The following CANX variants were observed in gnomAD, a reference collection of about 807,000 sequenced individuals.
CANX encodes the protein calnexin.
A neutral mutation model predicts 75.7 loss-of-function variants in CANX; 14 were observed. The observed-to-expected ratio is 0.19, with a 90% confidence interval of 0.12 to 0.29. The LOEUF (loss-of-function observed/expected upper bound fraction) is 0.29. Ranked by LOEUF, CANX falls within the 10% of genes least tolerant of loss-of-function variation. The pLI is 1.00. For missense variants in CANX, 567 were observed against 713.2 expected (o/e 0.79, Z 2.34); for synonymous variants, 227 against 236.9 (o/e 0.96, Z 0.38).
At chr5:179,723,951 G>A (rs1778477646) in intron 12 of CANX, among the ~76,000 whole-genome samples, 172 bp downstream of exon 12, 1 of 152,006 alleles carries the variant, frequency 6.6e-6, no homozygotes, top group South Asian at 2.1e-4. Context: ...GCCGTTTATT[G>A]TGCCCAGATG....
At chr5:179,702,996 C>G (rs1467656099) in intron 1 of CANX, among the ~76,000 whole-genome samples, 1 of 151,986 alleles carries the variant, frequency 6.6e-6, no homozygotes. Flanking sequence ...CTTGAACTCC[C>G]GAACTCAGGT....
At chr5:179,711,805 T>A (rs751229263) in intron 7 of CANX, among the ~76,000 whole-genome samples, 10 of 129,558 alleles carry the variant, frequency 7.7e-5, no homozygotes, top group Non-Finnish European at 1.2e-4. Flanking sequence ...AAAAAAAAAA[T>A]TGGTATTTTT....
chr5:179,725,154 T>C (rs550223422), intron 13 of CANX, among the ~76,000 whole-genome samples: 24 of 152,294 alleles, frequency 1.6e-4, no homozygotes, highest in African/African-American at 5.5e-4. Context: ...CCCCTCCAAG[T>C]AGCTGGGACC....
chr5:179,726,870 T>G (rs1309084299), intron 14 of CANX, 111 bp downstream of exon 14: 1 of 721,048 alleles, frequency 1.4e-6, no homozygotes, highest in African/African-American at 1.8e-5. Context: ...AAAATTCTGT[T>G]AAAGCCAATT....
intron 1 of CANX, among the ~76,000 whole-genome samples, chr5:179,703,526 A>G (rs1440569101): frequency 1.3e-4 from 20 of 151,912 alleles, no homozygotes; most frequent in Non-Finnish European, 1.5e-5. Flanking sequence ...CTTAGCTTCA[A>G]CCTGTCAGAC....
intron 1 of CANX, among the ~76,000 whole-genome samples, chr5:179,684,317 A>G (rs1776143261): frequency 6.6e-6 from 1 of 151,814 alleles, no homozygotes; most frequent in African/African-American, 2.4e-5. Flanking sequence ...TCCTGGGCTC[A>G]AGGGATCCTC....
chr5:179,693,561 C>A (rs970054675), upstream of CANX, among the ~76,000 whole-genome samples: 4 of 152,058 alleles, frequency 2.6e-5, no homozygotes, highest in African/African-American at 9.7e-5. Context: ...GTAGTCCCAG[C>A]TACTCTGGAG....
intron 1 of CANX, chr5:179,704,487 A>G (rs1040159679): frequency 6.6e-6 from 1 of 151,762 alleles, no homozygotes; most frequent in African/African-American, 2.4e-5. Flanking sequence ...AGATAGTGCC[A>G]ATGCATCCCA....
rs1057284737 is a variant in CANX at position 179,705,830 on chromosome 5, C to G, written c.149C>G (p.Thr50Ser). The change falls in exon 2 of 15, where the codon ACT becomes AGT. Residue 50 changes from threonine (T) to serine (S), a missense_variant. Coordinates refer to ENST00000247461, the MANE Select transcript of CANX (RefSeq NM_001746.4). The part of the protein sequence containing the change: ...EEVEDSKPDT[T>S]APPSSPKVTY... The stretch of plus-strand genomic sequence containing the variant: ...GTAGAAGACTCAAAACCAGATACCA[C>G]TGCTCCTCCTTCATCTCCCAAGGTT... The G allele has an allele frequency of 3.1e-6, 5 of 1,613,538 alleles. No individual in the cohort carries two copies. Among genetic ancestry groups the G allele is most frequent in the Non-Finnish European group, 3.4e-6 (4 of 1,179,500 alleles).
intron 7 of CANX, among the ~76,000 whole-genome samples, chr5:179,714,123 T>C (rs4643906): frequency 0.96 from 146,039 of 152,220 alleles, 70,338 homozygotes; most frequent in East Asian, 1. Flanking sequence ...CTCAGCCTCC[T>C]GAATAGTTGG....
upstream of CANX, among the ~76,000 whole-genome samples, chr5:179,695,444 C>T (rs893845320): frequency 8.6e-5 from 13 of 151,928 alleles, no homozygotes; most frequent in African/African-American, 1.5e-4. Flanking sequence ...ATTCTCTTGC[C>T]TCAGCCTCCC....
chr5:179,730,726 A>G lies in CANX; in HGVS notation c.*2082A>G, dbSNP rs147950214. 4.5e-4 allele frequency: 68 copies of G among 152,364 alleles called. No individual in the cohort carries two copies. Among genetic ancestry groups the G allele is most frequent in the African/African-American group, 1.6e-3 (65 of 41,582 alleles). The allele number at this position is 152,364 out of a possible 1,614,324, so 9.4% of individuals were successfully genotyped here. A position where few individuals can be genotyped will look rare whatever the true frequency, so the allele number is the denominator to read the frequency against. On this transcript the variant is annotated 3_prime_UTR_variant, in exon 15 of 15. Transcript: ENST00000247461. Reference sequence around the variant, plus strand: ...TCCTGATTAAATGTCTGACACATTAATGAATGACCAGCAGCAGCTTTCAGC... The same window carrying G: ...TCCTGATTAAATGTCTGACACATTAGTGAATGACCAGCAGCAGCTTTCAGC...
intron 1 of CANX, among the ~76,000 whole-genome samples, chr5:179,689,792 A>T (rs967494609): frequency 6.6e-6 from 1 of 152,124 alleles, no homozygotes; most frequent in Non-Finnish European, 1.5e-5. Context: ...GATAATTCCC[A>T]CTTAAAATGG....
In CANX at chr5:179,716,252, G is replaced by C; in HGVS notation, c.869G>C (p.Arg290Thr). ...EDRKPEDWDE[R>T]PKIPDPEAVK... ...CGGAAGCCCGAGGATTGGGATGAAA[G>C]ACCAAAAATCCCAGATCCAGAAGCT... Residue 290 changes from arginine to threonine, a missense_variant, in exon 8 of 15, where the codon AGA (arginine) becomes ACA (threonine). Physicochemically the swap from Arg to Thr is moderately conservative, Grantham distance 71 (BLOSUM62 -1). Transcript: ENST00000247461. 1 of 1,614,120 alleles carries C rather than the reference G, an allele frequency of 6.2e-7. No homozygotes were observed. Among genetic ancestry groups the C allele is most frequent in the South Asian group, 1.1e-5 (1 of 91,078 alleles).
chr5:179,724,762 G>A lies in CANX; in HGVS notation c.1624G>A (p.Glu542Lys). 1 of 1,610,666 alleles carries A rather than the reference G, an allele frequency of 6.2e-7. No individual in the cohort carries two copies. Among genetic ancestry groups the A allele is most frequent in the Non-Finnish European group, 8.5e-7 (1 of 1,177,596 alleles). ...EEEKDKGDEE[E>K]EGEEKLEEKQ... The stretch of plus-strand genomic sequence containing the variant: ...GGAAAAGGACAAGGGAGATGAGGAG[G>A]AGGAAGGAGAAGAGAAACTTGGTAA... Residue 542 changes from glutamate (E) to lysine (K), a missense_variant, in exon 13 of 15, where the codon GAG becomes AAG. Around this residue, in one of 3 missense-constraint regions of CANX, gnomAD observed 167 missense variants for 179.3 expected, o/e 0.93. Transcript: ENST00000247461.
upstream of CANX, chr5:179,698,649 A>G (rs2113073466): frequency 5.8e-6 from 7 of 1,205,346 alleles, no homozygotes; most frequent in South Asian, 8.8e-5. Flanking sequence ...AAGGCACCAC[A>G]GCAACCGACG....
At chr5:179,682,888 G>A (rs1187557696) in intron 1 of CANX, among the ~76,000 whole-genome samples, 1 of 152,116 alleles carries the variant, frequency 6.6e-6, no homozygotes, top group Non-Finnish European at 1.5e-5. Flanking sequence ...CCAATCCCTT[G>A]AAGACCTGGG....
intron 1 of CANX, chr5:179,681,018 G>T: frequency 9.4e-7 from 1 of 1,065,656 alleles, no homozygotes; most frequent in Non-Finnish European, 1.4e-6. Context: ...GAGTTGCTGA[G>T]CTGCTGTCCC....
At position 179,720,444 on chromosome 5, in the gene CANX, G is replaced by T; in HGVS notation, c.1066G>T (p.Ala356Ser). The change falls in exon 10 of 15, where the codon GCC (alanine) becomes TCC (serine). Residue 356 changes from alanine (A) to serine (S), a missense_variant. Ala to Ser is a moderately conservative substitution (Grantham distance 99, BLOSUM62 1). Around this residue, in one of 3 missense-constraint regions of CANX, gnomAD observed 351 missense variants for 433.8 expected, o/e 0.81. Coordinates refer to ENST00000247461, the MANE Select transcript of CANX (RefSeq NM_001746.4). ...TGGAGAATGGGAGGCTCCTCAGATT[G>T]CCAACCCTAGATGTGAGTCAGCTCC... ...MDGEWEAPQI[A>S]NPRCESAPGC... 6.2e-7 allele frequency: 1 copy of T among 1,613,896 alleles called. No individual in the cohort carries two copies. Among genetic ancestry groups the T allele is most frequent in the Non-Finnish European group, 8.5e-7 (1 of 1,179,804 alleles).
Sources: gnomAD v4.1 joint callset for allele counts (sites outside exome capture counted in the v4.1 genomes callset) on GRCh38, gnomAD v4.1.1 for gene constraint, gnomAD v4.1.1 regional missense constraint, MANE v1.5 for transcripts, NCBI Gene and HGNC (gene_info 2026-07-23, HGNC 2026-07-21) for gene names.